The following MEGF6 variants were observed in gnomAD, a reference collection of about 807,000 sequenced individuals.
MEGF6 encodes multiple EGF like domains 6.
In MEGF6, 184 loss-of-function variants were observed where a neutral mutation model predicts 207.1. That is an observed-to-expected ratio of 0.89 (90% CI 0.79 to 1.00). MEGF6 has a LOEUF of 1.00. Among genes scored for constraint, MEGF6 ranks in the 50% least tolerant of loss-of-function variants. The pLI is 0.00. For missense variants in MEGF6, 2,282 were observed against 2,202.9 expected, an observed-to-expected ratio of 1.04 and a Z score of -0.72; for synonymous variants, 1,038 against 910.0, an observed-to-expected ratio of 1.14 and a Z score of -2.53.
chr1:3,539,586 C>T (rs1411593205), intron 4 of MEGF6, among the ~76,000 whole-genome samples: 5 of 152,314 alleles, frequency 3.3e-5, no homozygotes, highest in South Asian at 2.1e-4. Flanking sequence ...GTTCACAGCC[C>T]CTGACTCTGG....
At chr1:3,501,643 C>A (rs539497202) in intron 18 of MEGF6, among the ~76,000 whole-genome samples, 153 bp downstream of exon 18, 2 of 152,094 alleles carry the variant, frequency 1.3e-5, no homozygotes, top group Admixed American at 6.5e-5. Context: ...ACAGACCCCC[C>A]CTCCCTACCC....
At chr1:3,531,810 G>T (rs966390651) in intron 4 of MEGF6, among the ~76,000 whole-genome samples, 22 of 152,010 alleles carry the variant, frequency 1.4e-4, no homozygotes, top group African/African-American at 5.1e-4. Context: ...TGGCCGGGCC[G>T]CGGGGCGGGG....
intron 4 of MEGF6, among the ~76,000 whole-genome samples, chr1:3,551,436 C>A (rs1642880546): frequency 6.6e-6 from 1 of 152,128 alleles, no homozygotes; most frequent in Non-Finnish European, 1.5e-5. Flanking sequence ...GGCCCTGAGC[C>A]AATCCAGCTC....
intron 4 of MEGF6, among the ~76,000 whole-genome samples, chr1:3,554,360 G>A (rs1379005555): frequency 6.6e-6 from 1 of 152,144 alleles, no homozygotes; most frequent in African/African-American, 2.4e-5. Flanking sequence ...AACAAGGGGT[G>A]GGGACCCAGC....
chr1:3,501,591 G>C (rs940237372), intron 18 of MEGF6, among the ~76,000 whole-genome samples: 2 of 152,132 alleles, frequency 1.3e-5, no homozygotes, highest in Non-Finnish European at 2.9e-5. Context: ...GGAGCAGCCC[G>C]AGAGGGCAGC....
intron 4 of MEGF6, among the ~76,000 whole-genome samples, chr1:3,561,509 C>T (rs1643200356): frequency 6.6e-6 from 1 of 152,230 alleles, no homozygotes; most frequent in Admixed American, 6.5e-5. Context: ...GGTGGAGAGA[C>T]CCTTCCTGCA....
chr1:3,532,304 C>A (rs1642203006), intron 4 of MEGF6, among the ~76,000 whole-genome samples: 1 of 152,234 alleles, frequency 6.6e-6, no homozygotes, highest in Non-Finnish European at 1.5e-5. Context: ...GATCAGAGTC[C>A]CCAGAGCCCC....
chr1:3,510,778 C>T lies in MEGF6; in HGVS notation c.1234+5G>A. On this transcript the variant is annotated splice_donor_5th_base_variant and intron_variant, in intron 10 of 36. Coordinates refer to ENST00000356575, the MANE Select transcript of MEGF6 (RefSeq NM_001409.4). ...CCAGCTGTGCAGTGGCAGGGCAGTG[C>T]TCACCCTCACAGCCGCAGCCATCGG... 1.3e-6 allele frequency: 2 copies of T among 1,599,506 alleles called. No homozygotes were observed. The highest frequency in any genetic ancestry group is 1.7e-6 in the Non-Finnish European group (2 of 1,170,478).
At chr1:3,490,889 C>T (rs760255675) in intron 36 of MEGF6, 23 bp downstream of exon 36, 26 of 1,573,684 alleles carry the variant, frequency 1.7e-5, no homozygotes, top group Middle Eastern at 1.7e-4. Flanking sequence ...GGCAAGCCCA[C>T]GGGCATTCCC....
chr1:3,501,979 C>A (rs1242376845), intron 17 of MEGF6, 58 bp from the exon 18 acceptor site: 4 of 1,249,000 alleles, frequency 3.2e-6, no homozygotes, highest in Non-Finnish European at 4.0e-6. Context: ...CTGACCAGAG[C>A]CTTTCCCCCA....
At chr1:3,495,273 T>C (rs1166964201) in intron 30 of MEGF6, among the ~76,000 whole-genome samples, 3 of 152,116 alleles carry the variant, frequency 2.0e-5, no homozygotes, top group African/African-American at 7.2e-5. Context: ...CTGAACCCTC[T>C]GCTGCCACAG....
At chr1:3,546,459 T>G (rs949769219) in intron 4 of MEGF6, among the ~76,000 whole-genome samples, 8 of 152,096 alleles carry the variant, frequency 5.3e-5, no homozygotes, top group African/African-American at 1.9e-4. Flanking sequence ...GGGAGCGAGT[T>G]GGGTGAGGAG....
rs1181639061 is a variant in MEGF6, at chr1:3,556,048, G to A, written c.481+23777C>T. ...GGCCCTGGAACCAGCTGGAGTCCGTGGCCAGGGGAGCCCCTCTCCAAGGTG... is the reference window on the plus strand; with the variant it reads ...GGCCCTGGAACCAGCTGGAGTCCGTAGCCAGGGGAGCCCCTCTCCAAGGTG... On this transcript the variant is annotated intron_variant, in intron 4 of 36. Transcript: ENST00000356575. The surrounding 1 kb of genome is among the most constrained non-coding windows in gnomAD (Gnocchi z 4.4). Among the ~76,000 whole-genome samples, 1 of 152,222 alleles carries A rather than the reference G, an allele frequency of 6.6e-6. No individual in the cohort carries two copies. Among genetic ancestry groups the A allele is most frequent in the Non-Finnish European group, 1.5e-5 (1 of 68,040 alleles).
chr1:3,492,650 G>C lies in MEGF6; in HGVS notation c.4505C>G (p.Thr1502Arg), dbSNP rs539910727. The C allele has an allele frequency of 6.2e-7, 1 of 1,610,682 alleles. No individual in the cohort carries two copies. The highest frequency in any genetic ancestry group is 1.7e-5 in the Admixed American group (1 of 59,970). Residue 1502 changes from threonine to arginine, a missense_variant, in exon 35 of 37, where the codon ACG (threonine) becomes AGG (arginine). Thr to Arg is a moderately conservative substitution (Grantham distance 71, BLOSUM62 -1). Transcript: ENST00000356575. ...GAAGCCCAGCTCACCTTCCCGGCAC[G>C]TGGGCCCCATGTAGCCATCCACACA... Reference protein sequence around the residue: ...CHCVDGYMGPTCREGGPLRLP... With the variant: ...CHCVDGYMGPRCREGGPLRLP...
At chr1:3,608,309 A>T (rs1644280425) in intron 1 of MEGF6, among the ~76,000 whole-genome samples, 1 of 152,148 alleles carries the variant, frequency 6.6e-6, no homozygotes, top group South Asian at 2.1e-4. Flanking sequence ...GCAGCAGCTC[A>T]CAGAAGTGAG....
intron 4 of MEGF6, among the ~76,000 whole-genome samples, chr1:3,528,149 C>T (rs550758468): frequency 6.6e-6 from 1 of 152,372 alleles, no homozygotes; most frequent in Non-Finnish European, 1.5e-5. Context: ...ACTTGGACGA[C>T]AGAGGCCTAC....
chr1:3,578,444 G>C (rs1447103679), intron 4 of MEGF6, among the ~76,000 whole-genome samples: 1 of 152,094 alleles, frequency 6.6e-6, no homozygotes, highest in Non-Finnish European at 1.5e-5. Flanking sequence ...ACAGGGATGG[G>C]TCACCTCTGA....
In MEGF6 at chr1:3,563,178, A is replaced by G. The variant is rs10909968; in HGVS notation, c.481+16647T>C. 2.0e-5 allele frequency among the ~76,000 whole-genome samples: 3 copies of G among 152,076 alleles called. No homozygotes were observed. In the East Asian group the frequency reaches 5.8e-4, roughly 29 times the overall value. ...TCACAGTGAGTCACACACATCGCAC[A>G]TGCACCTTGTAGGTAGCCTGTCCCA... is the stretch of plus-strand genomic sequence containing the variant. On this transcript the variant is annotated intron_variant, in intron 4 of 36. Coordinates refer to ENST00000356575, the MANE Select transcript of MEGF6 (RefSeq NM_001409.4).
At chr1:3,528,884 C>T (rs1039202716) in intron 4 of MEGF6, among the ~76,000 whole-genome samples, 1 of 152,280 alleles carries the variant, frequency 6.6e-6, no homozygotes, top group African/African-American at 2.4e-5. Context: ...GTAATAAATC[C>T]GTGCTGTCCT....
Sources: allele counts gnomAD v4.1 joint callset (sites outside exome capture counted in the v4.1 genomes callset), GRCh38; gene constraint gnomAD v4.1.1; non-coding constraint Gnocchi (gnomAD v3.1); transcripts MANE v1.5; gene names NCBI Gene and HGNC (gene_info 2026-07-23, HGNC 2026-07-21).